The following PCDHA11 variants were observed in gnomAD, a reference collection of about 807,000 sequenced individuals.
The protein encoded by PCDHA11 is protocadherin alpha-11.
In PCDHA11, 61 loss-of-function variants were observed where a neutral mutation model predicts 70.3. That is an observed-to-expected ratio of 0.87 (90% CI 0.71 to 1.07). PCDHA11 has a LOEUF of 1.07. Among genes scored for constraint, PCDHA11 ranks in the 50% least tolerant of loss-of-function variants. The pLI, the probability that PCDHA11 is intolerant of heterozygous loss-of-function variation, is 0.00. For synonymous variants in PCDHA11, 633 were observed against 555.1 expected (o/e 1.14, Z -1.97); for missense variants, 1,324 against 1,237.5 (o/e 1.07, Z -1.05).
At chr5:140,882,457 G>A (rs781908788) in intron 1 of PCDHA11, 2 of 1,613,938 alleles carry the variant, frequency 1.2e-6, no homozygotes, top group East Asian at 2.2e-5. Flanking sequence ...TGCCGCGCCT[G>A]TTCCGGGTGG....
At chr5:140,966,973 G>A (rs782189736) in intron 1 of PCDHA11, 9 of 1,602,936 alleles carry the variant, frequency 5.6e-6, no homozygotes, top group African/African-American at 4.0e-5. Flanking sequence ...GGCTTGAGCT[G>A]CGGCGCTTGG....
At chr5:141,005,967 A>ACAATTC (rs1554260442) in intron 3 of PCDHA11, among the ~76,000 whole-genome samples, 1 of 152,062 alleles carries the variant, frequency 6.6e-6, no homozygotes, top group Non-Finnish European at 1.5e-5. Flanking sequence ...CAATAAAAAA[A>ACAATTC]CAATTCCAAA....
chr5:140,870,845 C>T lies in PCDHA11; in HGVS notation c.1742C>T (p.Pro581Leu), dbSNP rs782454963. Reference protein sequence around the residue: ...SAGGAVNKLVPRSVGAGHVVA... With the variant: ...SAGGAVNKLVLRSVGAGHVVA... ...GGAGGCGCAGTTAACAAGCTAGTAC[C>T]GCGGTCGGTGGGTGCGGGCCACGTG... The change falls in exon 1 of 4, where the codon CCG (proline) becomes CTG (leucine). Residue 581 changes from proline to leucine, a missense_variant. Physicochemically the swap from Pro to Leu is moderately conservative, Grantham distance 98. Transcript: ENST00000398640. The T allele has an allele frequency of 5.0e-6, 8 of 1,613,718 alleles. No individual in the cohort carries two copies. The highest frequency in any genetic ancestry group is 6.8e-6 in the Non-Finnish European group (8 of 1,179,896).
intron 1 of PCDHA11, chr5:140,967,700 G>T: frequency 6.2e-7 from 1 of 1,614,196 alleles, no homozygotes; most frequent in Non-Finnish European, 8.5e-7. Context: ...CAGCATAGAT[G>T]CCAGTACCGG....
intron 1 of PCDHA11, among the ~76,000 whole-genome samples, chr5:140,893,186 T>C (rs2063863300): frequency 6.6e-6 from 1 of 152,230 alleles, no homozygotes; most frequent in Admixed American, 6.5e-5. Context: ...GTAGCTATTG[T>C]GAATAGTGCT....
At position 140,928,265 on chromosome 5, in the gene PCDHA11, A is replaced by G. The variant is rs1208273188; in HGVS notation, c.2392-50684A>G. ...CAGGAACTTTTCGTTGCTGAAAACA[A>G]TGGCCCTGGGGCCTCTCTAGGCCGA... On this transcript the variant is annotated intron_variant, in intron 1 of 3. Coordinates refer to ENST00000398640, the MANE Select transcript of PCDHA11 (RefSeq NM_018902.5). The G allele has an allele frequency of 3.1e-6, 5 of 1,614,188 alleles. No individual in the cohort carries two copies. In the South Asian group the frequency reaches 3.3e-5, roughly 11 times the overall value.
intron 1 of PCDHA11, among the ~76,000 whole-genome samples, chr5:140,891,046 C>T (rs576145840): frequency 6.6e-6 from 1 of 152,270 alleles, no homozygotes; most frequent in African/African-American, 2.4e-5. Context: ...GTGACCCCCA[C>T]AGCACATAGT....
chr5:140,962,806 A>G (rs2095710017), intron 1 of PCDHA11, among the ~76,000 whole-genome samples: 1 of 152,204 alleles, frequency 6.6e-6, no homozygotes, highest in Admixed American at 6.5e-5. Context: ...ACAACTCTAA[A>G]CATCAGAGAT....
At chr5:140,967,056 G>C in intron 1 of PCDHA11, 1 of 1,612,712 alleles carries the variant, frequency 6.2e-7, no homozygotes, top group Non-Finnish European at 8.5e-7. Flanking sequence ...CTGACGAGTG[G>C]AGCGCTCTTC....
In PCDHA11 at chr5:140,870,871, G is replaced by T. The variant is rs1257856778; in HGVS notation, c.1768G>T (p.Val590Leu). ...GCGGTCGGTGGGTGCGGGCCACGTGGTGGCGAAGGTGCGCGCAGTGGATGC... is the reference window on the plus strand; with the variant it reads ...GCGGTCGGTGGGTGCGGGCCACGTGTTGGCGAAGGTGCGCGCAGTGGATGC... Reference protein sequence around the residue: ...VPRSVGAGHVVAKVRAVDADS... With the variant: ...VPRSVGAGHVLAKVRAVDADS... The change falls in exon 1 of 4, where the codon GTG (valine) becomes TTG (leucine). Residue 590 changes from valine (V) to leucine (L), a missense_variant. Physicochemically the swap from Val to Leu is conservative, Grantham distance 32 (BLOSUM62 1). Transcript: ENST00000398640. 2 of 1,613,826 alleles carry T rather than the reference G, an allele frequency of 1.2e-6. No homozygotes were observed. Among genetic ancestry groups the T allele is most frequent in the African/African-American group, 2.7e-5 (2 of 74,950 alleles).
At chr5:141,007,306 T>C (rs1050571899) in intron 3 of PCDHA11, among the ~76,000 whole-genome samples, 8 of 151,500 alleles carry the variant, frequency 5.3e-5, no homozygotes, top group Admixed American at 3.3e-4. Context: ...ATCTTAGCAT[T>C]TTGGGAGGCT....
chr5:140,906,456 G>T (rs527287837), intron 1 of PCDHA11, among the ~76,000 whole-genome samples: 1 of 152,278 alleles, frequency 6.6e-6, no homozygotes, highest in African/African-American at 2.4e-5. Context: ...ATAAAATGAA[G>T]ATATTTTCTT....
At chr5:141,000,238 G>T (rs111531743) in intron 3 of PCDHA11, among the ~76,000 whole-genome samples, 3 of 151,558 alleles carry the variant, frequency 2.0e-5, no homozygotes, top group African/African-American at 7.3e-5. Flanking sequence ...GCTGAATGTG[G>T]TGGCTGACAC....
chr5:140,919,207 T>C (rs1554198972), intron 1 of PCDHA11, among the ~76,000 whole-genome samples: 1 of 152,222 alleles, frequency 6.6e-6, no homozygotes, highest in Non-Finnish European at 1.5e-5. Context: ...CATTATAAAA[T>C]GTCCTTCTTG....
intron 1 of PCDHA11, among the ~76,000 whole-genome samples, chr5:140,938,406 T>C (rs1283027205): frequency 6.6e-6 from 1 of 152,240 alleles, no homozygotes; most frequent in African/African-American, 2.4e-5. Flanking sequence ...ATTGTTTGAT[T>C]GGGTTTATTT....
chr5:140,928,930 C>T, intron 1 of PCDHA11: 1 of 1,614,108 alleles, frequency 6.2e-7, no homozygotes, highest in Non-Finnish European at 8.5e-7. Context: ...GCTTTCTGCC[C>T]AGAACTTGTA....
intron 1 of PCDHA11, chr5:140,882,983 GC>G: frequency 1.2e-6 from 2 of 1,614,130 alleles, no homozygotes; most frequent in Non-Finnish European, 1.7e-6. Context: ...GAATGACAAC[GC>G]CCCGGAATTT....
intron 1 of PCDHA11, among the ~76,000 whole-genome samples, chr5:140,971,478 A>C (rs111781444): frequency 3.5e-4 from 53 of 152,260 alleles, no homozygotes; most frequent in African/African-American, 1.3e-3. Flanking sequence ...AGAGAGTGTC[A>C]CATTGTTACA....
At chr5:140,921,811 T>C (rs1484171257) in intron 1 of PCDHA11, among the ~76,000 whole-genome samples, 1 of 152,096 alleles carries the variant, frequency 6.6e-6, no homozygotes, top group Non-Finnish European at 1.5e-5. Context: ...ATAAGATACA[T>C]GTGTGAATAT....
Sources: allele counts gnomAD v4.1 joint callset (sites outside exome capture counted in the v4.1 genomes callset), GRCh38; gene constraint gnomAD v4.1.1; transcripts MANE v1.5; gene names NCBI Gene and HGNC (gene_info 2026-07-23, HGNC 2026-07-21).